Variants in SNX29 observed in about 807,000 individuals in gnomAD.
The protein encoded by SNX29 is sorting nexin 29, also known as sorting nexin-29.
SNX29 carries 78 observed loss-of-function variants against 102.1 expected under a neutral mutation model. That is an observed-to-expected ratio of 0.76 (90% CI 0.64 to 0.92). The LOEUF (loss-of-function observed/expected upper bound fraction) is 0.92, where lower values mean the gene tolerates loss of function less well. Ranked by LOEUF, SNX29 falls within the 40% of genes least tolerant of loss-of-function variation. The probability of loss-of-function intolerance (pLI) is 0.00; values close to 1 mark genes in which losing one functional copy is unlikely to be tolerated. For synonymous variants in SNX29, 580 were observed against 414.5 expected (o/e 1.40, Z -4.85); for missense variants, 1,280 against 1,061.7 (o/e 1.21, Z -2.86).
chr16:12,168,101 C>CA (rs1567271992), intron 13 of SNX29, among the ~76,000 whole-genome samples: 2 of 152,122 alleles, frequency 1.3e-5, no homozygotes, highest in African/African-American at 4.8e-5. Flanking sequence ...GGTGAGGAGG[C>CA]AGACAGTAAT....
At chr16:12,149,288 C>T (rs181679410) in intron 13 of SNX29, among the ~76,000 whole-genome samples, 113 of 152,278 alleles carry the variant, frequency 7.4e-4, no homozygotes, top group African/African-American at 2.6e-3. Flanking sequence ...CAGAGGTTAC[C>T]GCAAGTCACT....
chr16:12,461,575 G>A (rs75400927), intron 18 of SNX29, among the ~76,000 whole-genome samples: 6,681 of 152,126 alleles, frequency 0.044, 343 homozygotes, highest in African/African-American at 0.13. Flanking sequence ...CCTCCCATCC[G>A]TCACAGCAAT....
At chr16:12,212,013 G>C (rs979001726) in intron 14 of SNX29, among the ~76,000 whole-genome samples, 1 of 152,042 alleles carries the variant, frequency 6.6e-6, no homozygotes. Context: ...ACCCAGATCT[G>C]TCTGTTAAAC....
At chr16:12,313,593 C>T (rs1215603992) in intron 15 of SNX29, among the ~76,000 whole-genome samples, 5 of 152,206 alleles carry the variant, frequency 3.3e-5, no homozygotes, top group African/African-American at 9.6e-5. Flanking sequence ...CTTGCAGCAT[C>T]GTCCCAGCTC....
chr16:12,398,420 C>T, intron 16 of SNX29, 26 bp from the exon 17 acceptor site: 4 of 1,613,064 alleles, frequency 2.5e-6, no homozygotes, highest in African/African-American at 1.3e-5. Context: ...ATTTTTTCTC[C>T]CCTCTCCCCC....
intron 20 of SNX29, chr16:12,545,495 A>C (rs2077553487): frequency 6.6e-6 from 1 of 152,222 alleles, no homozygotes; most frequent in African/African-American, 2.4e-5. Flanking sequence ...CAACTGTGGC[A>C]AGACCGTGTG....
intron 20 of SNX29, among the ~76,000 whole-genome samples, chr16:12,566,373 A>G (rs1023361409): frequency 6.6e-6 from 1 of 151,884 alleles, no homozygotes; most frequent in Non-Finnish European, 1.5e-5. Flanking sequence ...TCTCCCAACC[A>G]ACAAGGCACT....
intron 14 of SNX29, among the ~76,000 whole-genome samples, chr16:12,257,430 A>G (rs2078606594): frequency 6.6e-6 from 1 of 152,138 alleles, no homozygotes; most frequent in Non-Finnish European, 1.5e-5. Context: ...GTCTCTTGCT[A>G]TGTGCAGCAA....
At chr16:12,133,841 C>G (rs973792299) in intron 13 of SNX29, among the ~76,000 whole-genome samples, 3 of 152,164 alleles carry the variant, frequency 2.0e-5, no homozygotes, top group African/African-American at 7.2e-5. Flanking sequence ...GTGAGATATT[C>G]GAATGCTAAG....
chr16:12,523,818 G>A (rs1458555615), intron 19 of SNX29, among the ~76,000 whole-genome samples: 2 of 152,186 alleles, frequency 1.3e-5, no homozygotes, highest in East Asian at 3.8e-4. Flanking sequence ...CCTGCCTTCT[G>A]GGGCCACGCT....
intron 20 of SNX29, among the ~76,000 whole-genome samples, chr16:12,531,621 C>T (rs1290673276): frequency 2.0e-5 from 3 of 152,246 alleles, no homozygotes; most frequent in South Asian, 2.1e-4. Context: ...GACTAGGCTG[C>T]CTGCTGGGGC....
intron 18 of SNX29, among the ~76,000 whole-genome samples, chr16:12,425,269 G>A (rs1315336687): frequency 2.0e-5 from 3 of 152,134 alleles, no homozygotes; most frequent in Non-Finnish European, 4.4e-5. Context: ...GGATCACCCC[G>A]CACATGCTAA....
At chr16:12,544,615 G>A (rs867193605) in intron 20 of SNX29, among the ~76,000 whole-genome samples, 17 of 152,282 alleles carry the variant, frequency 1.1e-4, no homozygotes, top group Middle Eastern at 3.4e-3. Context: ...CTGACTCTGC[G>A]TCATGCCTTG....
At chr16:12,127,506 C>T (rs2054269315) in intron 12 of SNX29, among the ~76,000 whole-genome samples, 1 of 151,324 alleles carries the variant, frequency 6.6e-6, no homozygotes, top group South Asian at 2.1e-4. Flanking sequence ...ACTGCAACCT[C>T]CACCTCCCGG....
At chr16:12,358,136 G>C (rs1396140291) in intron 16 of SNX29, among the ~76,000 whole-genome samples, 1 of 152,144 alleles carries the variant, frequency 6.6e-6, no homozygotes, top group Non-Finnish European at 1.5e-5. Flanking sequence ...TTAGTGTATG[G>C]CGTCTTAAAC....
At chr16:12,170,555 C>G (rs2076124376) in intron 13 of SNX29, among the ~76,000 whole-genome samples, 1 of 151,676 alleles carries the variant, frequency 6.6e-6, no homozygotes, top group Non-Finnish European at 1.5e-5. Context: ...GGTAGATGGG[C>G]TGTTCGTGGG....
intron 18 of SNX29, among the ~76,000 whole-genome samples, chr16:12,409,716 C>T (rs1028569269): frequency 1.3e-5 from 2 of 152,144 alleles, no homozygotes; most frequent in Admixed American, 6.5e-5. Context: ...CTTAAAAAAG[C>T]TCACCTATTT....
chr16:12,562,121 G>A (rs547071183), intron 20 of SNX29, among the ~76,000 whole-genome samples: 17 of 152,278 alleles, frequency 1.1e-4, no homozygotes, highest in African/African-American at 3.6e-4. Context: ...ACTCTCCTGT[G>A]TGACCCCAAA....
chr16:12,179,998 C>T (rs540770481), intron 13 of SNX29, among the ~76,000 whole-genome samples: 2 of 152,162 alleles, frequency 1.3e-5, no homozygotes, highest in East Asian at 1.9e-4. Flanking sequence ...CTTTCAGTCT[C>T]TTTCAATGTG....
Sources: gnomAD v4.1 joint callset for allele counts (sites outside exome capture counted in the v4.1 genomes callset) on GRCh38, gnomAD v4.1.1 for gene constraint, MANE v1.5 for transcripts, NCBI Gene and HGNC (gene_info 2026-07-23, HGNC 2026-07-21) for gene names.